The following COX17 variants were observed in gnomAD, a reference collection of about 807,000 sequenced individuals.
COX17 encodes the protein cytochrome c oxidase copper chaperone.
COX17 carries 1 observed loss-of-function variant against 6.3 expected under a neutral mutation model. That is an observed-to-expected ratio of 0.16 (90% CI 0.06 to 0.75). The LOEUF is 0.75. Ranked by LOEUF, COX17 falls within the 30% of genes least tolerant of loss-of-function variation. The pLI is 0.77. For missense variants in COX17, 73 were observed against 81.2 expected (o/e 0.90, Z 0.39); for synonymous variants, 26 against 30.5 (o/e 0.85, Z 0.49).
chr3:119,667,732 G>C (rs10049100), downstream of COX17, among the ~76,000 whole-genome samples: 1,739 of 92,088 alleles, frequency 0.019, 118 homozygotes, highest in East Asian at 0.28. Flanking sequence ...CACACACAGA[G>C]AGAGAGAGAC....
At chr3:119,665,982 T>C (rs1008462241), downstream of COX17, among the ~76,000 whole-genome samples, 1 of 152,242 alleles carries the variant, frequency 6.6e-6, no homozygotes, top group Non-Finnish European at 1.5e-5. Context: ...CTCCATAAAC[T>C]CAATTTGACT....
At position 119,677,326 on chromosome 3, in the gene COX17, C is replaced by T. The variant is rs761545191; in HGVS notation, c.-16G>A. On this transcript the variant is annotated 5_prime_UTR_variant, in exon 1 of 3. Transcript: ENST00000261070. ...GACCCGGCATCTTTCGCGCCAAAAG[C>T]AGCTATGAGCGGAGACAGCCAAATC... 6.2e-7 allele frequency: 1 copy of T among 1,605,026 alleles called. No homozygotes were observed. The highest frequency in any genetic ancestry group is 1.1e-5 in the South Asian group (1 of 90,128).
At chr3:119,675,510 A>AC in intron 1 of COX17, 1 of 340,560 alleles carries the variant, frequency 2.9e-6, no homozygotes, top group Non-Finnish European at 5.4e-6. Context: ...AAGGAGTAAC[A>AC]CTGCTCTATA....
intron 2 of COX17, among the ~76,000 whole-genome samples, chr3:119,673,737 A>C (rs930341969): frequency 6.6e-6 from 1 of 152,234 alleles, no homozygotes; most frequent in Non-Finnish European, 1.5e-5. Flanking sequence ...AACTGAAGAA[A>C]GAGCTTCCAA....
At chr3:119,664,614 G>A (rs939626657), downstream of COX17, among the ~76,000 whole-genome samples, 5 of 152,192 alleles carry the variant, frequency 3.3e-5, no homozygotes, top group African/African-American at 1.2e-4. Context: ...AGTCACCAGA[G>A]TCAACAAGTG....
At chr3:119,671,178 T>C (rs77458524) in intron 2 of COX17, among the ~76,000 whole-genome samples, 3,472 of 152,238 alleles carry the variant, frequency 0.023, 49 homozygotes, top group Middle Eastern at 0.071. Context: ...TAAAGAGGAG[T>C]GCACTTGAAA....
chr3:119,667,045 A>G (rs1484396920), downstream of COX17: 1 of 152,206 alleles, frequency 6.6e-6, no homozygotes, highest in African/African-American at 2.4e-5. Flanking sequence ...TATGAAAGAC[A>G]TAGTATTCCC....
downstream of COX17, among the ~76,000 whole-genome samples, chr3:119,664,711 A>T (rs1461535476): frequency 6.6e-6 from 1 of 152,232 alleles, no homozygotes; most frequent in African/African-American, 2.4e-5. Flanking sequence ...TTGTGACTTT[A>T]GACATTTTTT....
downstream of COX17, among the ~76,000 whole-genome samples, chr3:119,667,199 G>A (rs2053000569): frequency 6.6e-6 from 1 of 152,200 alleles, no homozygotes; most frequent in Non-Finnish European, 1.5e-5. Context: ...CAAGGGCTTA[G>A]CAAAGAGGTG....
chr3:119,675,229 T>C lies in COX17; in HGVS notation c.112A>G (p.Ile38Val), dbSNP rs2053087736. Residue 38 changes from isoleucine to valine, a missense_variant, in exon 2 of 3, where the codon ATC becomes GTC. By Grantham distance (29) the Ile-to-Val change is conservative. Coordinates refer to ENST00000261070, the MANE Select transcript of COX17 (RefSeq NM_005694.2). ...ETKKARDACI[I>V]EKGEEHCGHL... ...CCACAGTGTTCTTCTCCTTTCTCGA[T>C]GATACTATAAAACAAAATGTACTTG... 1.2e-6 allele frequency: 2 copies of C among 1,609,974 alleles called. No individual in the cohort carries two copies. The highest frequency in any genetic ancestry group is 1.7e-6 in the Non-Finnish European group (2 of 1,176,312).
At chr3:119,667,656 T>A (rs1355389933), downstream of COX17, among the ~76,000 whole-genome samples, 5 of 100,996 alleles carry the variant, frequency 5.0e-5, no homozygotes, top group Admixed American at 1.2e-4. Context: ...GTTATCAGAG[T>A]AGCCAAAAAA....
downstream of COX17, among the ~76,000 whole-genome samples, chr3:119,668,448 AAAAT>A (rs1364584713): frequency 7.9e-5 from 12 of 152,190 alleles, no homozygotes; most frequent in African/African-American, 2.7e-4. Flanking sequence ...TATAAACAAT[AAAAT>A]AATAGAGAAT....
intron 2 of COX17, among the ~76,000 whole-genome samples, chr3:119,670,124 G>C (rs756298338): frequency 7.0e-4 from 107 of 152,070 alleles, no homozygotes; most frequent in Non-Finnish European, 1.1e-3. Context: ...ACTTCCTGTG[G>C]AAAGTTACTC....
At chr3:119,674,671 A>C (rs1266399231) in intron 2 of COX17, 1 of 154,950 alleles carries the variant, frequency 6.5e-6, no homozygotes. Context: ...GGTGGCCCAC[A>C]CCTGTAGTCC....
At chr3:119,670,883 C>T (rs78923933) in intron 2 of COX17, among the ~76,000 whole-genome samples, 3,075 of 151,970 alleles carry the variant, frequency 0.02, 100 homozygotes, top group African/African-American at 0.07. Flanking sequence ...TTTCTTTCAA[C>T]GACTTTAGTC....
chr3:119,675,560 G>C (rs1324996265), intron 1 of COX17: 1 of 194,698 alleles, frequency 5.1e-6, no homozygotes, highest in Non-Finnish European at 1.0e-5. Context: ...TAAATGAAGG[G>C]CACAGAGAAC....
chr3:119,674,858 AAT>A, intron 2 of COX17: 1 of 323,268 alleles, frequency 3.1e-6, no homozygotes, highest in Non-Finnish European at 5.7e-6. Context: ...CAAGAAAGAG[AAT>A]ATGTTTCTTT....
In COX17 at chr3:119,677,243, C is replaced by T; in HGVS notation, c.68G>A (p.Cys23Tyr). ...CTTCTTGGTCTCCGGGCAAGCGCAG[C>T]AGGGCTTCAGCGGCTTCTTCTCCTG... ...ESQEKKPLKP[C>Y]CACPETKKAR... Residue 23 changes from cysteine (C) to tyrosine (Y), a missense_variant, in exon 1 of 3, where the codon TGC (cysteine) becomes TAC (tyrosine). Transcript: ENST00000261070. The T allele has an allele frequency of 6.2e-7, 1 of 1,612,090 alleles. No homozygotes were observed. The highest frequency in any genetic ancestry group is 8.5e-7 in the Non-Finnish European group (1 of 1,179,962).
chr3:119,676,772 T>C, intron 1 of COX17: 2 of 697,190 alleles, frequency 2.9e-6, no homozygotes, highest in Non-Finnish European at 5.2e-6. Context: ...CCATTAACTT[T>C]AAGCTCCTTT....
Sources: allele counts gnomAD v4.1 joint callset (sites outside exome capture counted in the v4.1 genomes callset), GRCh38; gene constraint gnomAD v4.1.1; transcripts MANE v1.5; gene names NCBI Gene and HGNC (gene_info 2026-07-23, HGNC 2026-07-21).